The following TLE6 variants were observed in gnomAD, a reference collection of about 807,000 sequenced individuals.
TLE6 encodes transducin-like enhancer protein 6.
Under a neutral mutation model 77.1 loss-of-function variants are expected in TLE6, and 72 were observed. The observed-to-expected ratio is 0.93, with a 90% CI of 0.77 to 1.14. TLE6 has a LOEUF of 1.14. Ranked by LOEUF, TLE6 falls within the 50% of genes most tolerant of loss-of-function variation. The probability of loss-of-function intolerance (pLI) is 0.00; values close to 1 mark genes in which losing one functional copy is unlikely to be tolerated. For synonymous variants in TLE6, 366 were observed against 287.3 expected (o/e 1.27, Z -2.77); for missense variants, 843 against 747.6 (o/e 1.13, Z -1.49).
chr19:2,988,378 C>T (rs904865519), intron 11 of TLE6, among the ~76,000 whole-genome samples: 9 of 152,034 alleles, frequency 5.9e-5, no homozygotes, highest in African/African-American at 1.4e-4. Context: ...GGGCAGATCA[C>T]GAGGTCAGGA....
At chr19:2,977,969 C>A (rs1265582936) in intron 1 of TLE6, among the ~76,000 whole-genome samples, 1 of 152,006 alleles carries the variant, frequency 6.6e-6, no homozygotes, top group Non-Finnish European at 1.5e-5. Context: ...TAGGGTGAGG[C>A]CTGGGAGGCA....
At chr19:2,988,793 G>C (rs1477103195) in intron 11 of TLE6, among the ~76,000 whole-genome samples, 1 of 152,162 alleles carries the variant, frequency 6.6e-6, no homozygotes, top group African/African-American at 2.4e-5. Context: ...GAGCATAATA[G>C]CTAGGACCAT....
At chr19:2,993,145 G>A (rs60254683) in intron 14 of TLE6, among the ~76,000 whole-genome samples, 1 of 151,478 alleles carries the variant, frequency 6.6e-6, no homozygotes, top group Non-Finnish European at 1.5e-5. Flanking sequence ...CCAGGAGGCA[G>A]ACGTTGTCGT....
At chr19:2,991,385 TATATATATATACACAC>T (rs1345890033) in intron 13 of TLE6, among the ~76,000 whole-genome samples, 14 of 108,550 alleles carry the variant, frequency 1.3e-4, no homozygotes, top group South Asian at 2.9e-4. Context: ...CGTATATATA[TATATATATATACACAC>T]ACACACACAC....
chr19:2,995,062 C>T lies in TLE6; in HGVS notation c.*58C>T, dbSNP rs536649505. On this transcript the variant is annotated 3_prime_UTR_variant, in exon 17 of 17. Coordinates refer to ENST00000246112, the MANE Select transcript of TLE6 (RefSeq NM_001143986.2). ...CTCTTTTCATCCCCCCCCTTCCCCC[C>T]CCCCAACAAGGGGGACATGGTGGAG... 9.7e-6 allele frequency: 10 copies of T among 1,029,388 alleles called. No individual in the cohort carries two copies. The highest frequency in any genetic ancestry group is 7.9e-5 in the African/African-American group (5 of 63,250). The allele number at this position is 1,029,388 out of a possible 1,614,324, so 63.8% of individuals were successfully genotyped here.
intron 14 of TLE6, 79 bp from the exon 15 acceptor site, chr19:2,993,353 G>A (rs1048149261): frequency 1.4e-6 from 2 of 1,473,882 alleles, no homozygotes; most frequent in Non-Finnish European, 1.8e-6. Context: ...CTCCAGGATA[G>A]GTCCCCAGGC....
rs1371805990 is a variant in TLE6 at position 2,986,842 on chromosome 19, T to C, written c.236T>C (p.Leu79Ser). The stretch of plus-strand genomic sequence containing the variant: ...ACCTCCTTCTAGATAGGAAACGTCT[T>C]ACAGATTGTGGAGAGCTGCAGCCAA... ...AEHHKQIGNV[L>S]QIVESCSQLQ... The change falls in exon 6 of 17, where the codon TTA (leucine) becomes TCA (serine). Residue 79 changes from leucine (L) to serine (S), a missense_variant. Leu to Ser is a moderately radical substitution (Grantham distance 145). Transcript: ENST00000246112. 1 of 1,551,712 alleles carries C rather than the reference T, an allele frequency of 6.4e-7. No individual in the cohort carries two copies. The highest frequency in any genetic ancestry group is 1.2e-5 in the South Asian group (1 of 84,070).
At chr19:2,979,990 A>G in intron 2 of TLE6, 110 bp from the exon 3 acceptor site, 2 of 782,302 alleles carry the variant, frequency 2.6e-6, no homozygotes, top group Non-Finnish European at 4.0e-6. Context: ...AGCAAAAACC[A>G]CAATTACTTT....
At chr19:2,988,179 TC>T in intron 11 of TLE6, 51 bp downstream of exon 11, 1 of 1,528,570 alleles carries the variant, frequency 6.5e-7, no homozygotes, top group Non-Finnish European at 8.9e-7. Context: ...CAGCGGGAAT[TC>T]CTTCCTGTCT....
At chr19:2,977,469 T>A (rs1027067674), upstream of TLE6, 1 of 133,686 alleles carries the variant, frequency 7.5e-6, no homozygotes, top group African/African-American at 2.7e-5. Context: ...GCGGTCCAGG[T>A]GGCGGCTGGG....
chr19:2,992,142 C>G (rs375014809), intron 14 of TLE6, among the ~76,000 whole-genome samples, 158 bp downstream of exon 14: 22 of 152,024 alleles, frequency 1.4e-4, no homozygotes, highest in African/African-American at 5.3e-4. Flanking sequence ...TTGAGACCAG[C>G]GTGGCCAACA....
Position 2,987,024 on chromosome 19 carries a change from G to A in TLE6, c.327G>A (p.Gln109=), listed in dbSNP as rs961164007. Reference sequence around the variant, plus strand: ...CAGCCAGCCCTGGGACGCCCCAGCAGGTGAAGGACAAGACCCTGCAGGAGT... The same window carrying A: ...CAGCCAGCCCTGGGACGCCCCAGCAAGTGAAGGACAAGACCCTGCAGGAGT... The part of the protein sequence containing the change: ...AEPASPGTPQ[Q]VKDKTLQESS... The change falls in exon 7 of 17, where the codon CAG becomes CAA. Residue 109 remains glutamine (Q), a synonymous_variant. Transcript: ENST00000246112. 1.2e-6 allele frequency: 2 copies of A among 1,613,764 alleles called. No individual in the cohort carries two copies. Among genetic ancestry groups the A allele is most frequent in the Non-Finnish European group, 1.7e-6 (2 of 1,179,708 alleles).
intron 8 of TLE6, 72 bp downstream of exon 8, chr19:2,987,444 G>C: frequency 6.3e-7 from 1 of 1,591,692 alleles, no homozygotes; most frequent in South Asian, 1.1e-5. Context: ...CCCAGGTCAG[G>C]GCACTGGGGT....
intron 13 of TLE6, among the ~76,000 whole-genome samples, chr19:2,990,496 C>A (rs185210534): frequency 6.7e-6 from 1 of 150,240 alleles, no homozygotes; most frequent in Non-Finnish European, 1.5e-5. Flanking sequence ...CCCAGCTACT[C>A]GGGAGGCTGA....
chr19:2,983,377 G>C (rs557630647), intron 5 of TLE6, among the ~76,000 whole-genome samples: 1 of 152,218 alleles, frequency 6.6e-6, no homozygotes, highest in Admixed American at 6.5e-5. Context: ...GCAGCCCCAA[G>C]GGGATTGGGG....
intron 11 of TLE6, 104 bp from the exon 12 acceptor site, chr19:2,988,957 C>A: frequency 6.6e-7 from 1 of 1,519,648 alleles, no homozygotes; most frequent in Middle Eastern, 2.4e-4. Context: ...GAGAGAGGGA[C>A]CCCAAAATCT....
intron 5 of TLE6, chr19:2,984,157 CG>C (rs1231786269): frequency 6.6e-6 from 1 of 152,340 alleles, no homozygotes; most frequent in South Asian, 2.1e-4. Flanking sequence ...CACTCTCCCC[CG>C]GGAGGGCTGC....
chr19:2,982,112 C>T (rs1320962136), intron 4 of TLE6, 36 bp from the exon 5 acceptor site: 2 of 1,551,248 alleles, frequency 1.3e-6, no homozygotes, highest in Admixed American at 3.9e-5. Flanking sequence ...CACACCCGGA[C>T]CACCTCCCGA....
chr19:2,983,671 A>G (rs1415998095), intron 5 of TLE6, among the ~76,000 whole-genome samples: 1 of 151,066 alleles, frequency 6.6e-6, no homozygotes, highest in Non-Finnish European at 1.5e-5. Flanking sequence ...TTCAGGGAGG[A>G]CTTGGGCTTT....
Sources: gnomAD v4.1 joint callset for allele counts (sites outside exome capture counted in the v4.1 genomes callset) on GRCh38, gnomAD v4.1.1 for gene constraint, MANE v1.5 for transcripts, NCBI Gene and HGNC (gene_info 2026-07-23, HGNC 2026-07-21) for gene names.